Variants in LINGO2 observed in about 807,000 individuals in gnomAD.
LINGO2 encodes the protein leucine-rich repeat and immunoglobulin-like domain-containing nogo receptor-interacting protein 2.
In LINGO2, 14 loss-of-function variants were observed where a neutral mutation model predicts 30.6. That is an observed-to-expected ratio of 0.46 (90% CI 0.30 to 0.72). The LOEUF is 0.72. Among genes scored for constraint, LINGO2 ranks in the 30% least tolerant of loss-of-function variants. The pLI is 0.07. For synonymous variants in LINGO2, 317 were observed against 288.5 expected, an observed-to-expected ratio of 1.10 and a Z score of -1.00; for missense variants, 729 against 751.7, an observed-to-expected ratio of 0.97 and a Z score of 0.35.
chr9:28,003,344 TAG>T (rs747882557), intron 5 of LINGO2, among the ~76,000 whole-genome samples: 4,276 of 103,540 alleles, frequency 0.041, 117 homozygotes, highest in African/African-American at 0.13. Context: ...TATAGATATA[TAG>T]ATAGATAGAT....
At chr9:29,030,923 G>A in the LINGO2 span, among the ~76,000 whole-genome samples, 11 of 152,092 alleles carry the variant, frequency 7.2e-5, no homozygotes, top group African/African-American at 2.2e-4. Context: ...TAAAATTGCT[G>A]GTCCCTCACT....
intron 5 of LINGO2, among the ~76,000 whole-genome samples, chr9:27,982,983 A>T (rs1006517311): frequency 3.3e-5 from 5 of 151,758 alleles, no homozygotes; most frequent in Admixed American, 2.6e-4. Flanking sequence ...TGTCTTTCCT[A>T]CTTATACTTC....
chr9:28,790,383 C>T, the LINGO2 span, among the ~76,000 whole-genome samples: 2 of 137,462 alleles, frequency 1.5e-5, no homozygotes, highest in African/African-American at 2.8e-5. Flanking sequence ...GGCTGGAGTG[C>T]AGTCGTGCGA....
chr9:28,024,776 T>C (rs1284261311), intron 4 of LINGO2, among the ~76,000 whole-genome samples: 2 of 152,184 alleles, frequency 1.3e-5, no homozygotes, highest in East Asian at 3.9e-4. Context: ...ACTTGAGTTC[T>C]GAAGAGTAGG....
chr9:28,365,878 A>G (rs534946082), intron 3 of LINGO2, among the ~76,000 whole-genome samples: 11 of 151,612 alleles, frequency 7.3e-5, no homozygotes, highest in African/African-American at 2.4e-4. Context: ...TGGGCAGAGC[A>G]TATGTACAAG....
At chr9:28,287,485 G>A (rs1308688844) in intron 4 of LINGO2, among the ~76,000 whole-genome samples, 1 of 152,146 alleles carries the variant, frequency 6.6e-6, no homozygotes, top group Admixed American at 6.5e-5. Flanking sequence ...GCACTGTAAT[G>A]GAAAGGACAT....
intron 2 of LINGO2, among the ~76,000 whole-genome samples, chr9:28,387,559 G>A (rs1486439299): frequency 1.3e-5 from 2 of 152,102 alleles, no homozygotes; most frequent in African/African-American, 2.4e-5. Flanking sequence ...TCACTCTTTG[G>A]GTCCACACAG....
At chr9:29,000,450 T>C in the LINGO2 span, among the ~76,000 whole-genome samples, 2 of 151,906 alleles carry the variant, frequency 1.3e-5, no homozygotes, top group Non-Finnish European at 2.9e-5. Flanking sequence ...ATTTAAAATA[T>C]CTTTTTGAAA....
At chr9:28,724,524 G>A in the LINGO2 span, among the ~76,000 whole-genome samples, 1 of 152,066 alleles carries the variant, frequency 6.6e-6, no homozygotes, top group East Asian at 1.9e-4. Flanking sequence ...CATTCCCTTG[G>A]GGTAAACCAA....
At chr9:28,463,446 TC>T (rs1825166022) in intron 2 of LINGO2, among the ~76,000 whole-genome samples, 1 of 152,046 alleles carries the variant, frequency 6.6e-6, no homozygotes, top group Non-Finnish European at 1.5e-5. Context: ...TCACCTGTCT[TC>T]CAATTTTGCC....
the LINGO2 span, among the ~76,000 whole-genome samples, chr9:28,846,038 CA>C: frequency 1.3e-5 from 2 of 151,250 alleles, no homozygotes; most frequent in Non-Finnish European, 2.9e-5. Flanking sequence ...ACACACACAC[CA>C]ACCATCAGAA....
At chr9:28,117,965 T>C (rs1336153631) in intron 4 of LINGO2, among the ~76,000 whole-genome samples, 1 of 152,116 alleles carries the variant, frequency 6.6e-6, no homozygotes, top group East Asian at 1.9e-4. Flanking sequence ...GAGATAGGAA[T>C]GTAAATTAAT....
exon 4 of LINGO2, chr9:28,295,256 G>A (rs1012904130): frequency 7.2e-5 from 11 of 152,554 alleles, no homozygotes; most frequent in African/African-American, 2.7e-4. Flanking sequence ...CCCACACAAA[G>A]CTCTTGGCCA....
At chr9:28,360,868 T>C (rs1489846422) in intron 3 of LINGO2, among the ~76,000 whole-genome samples, 2 of 152,060 alleles carry the variant, frequency 1.3e-5, no homozygotes, top group African/African-American at 2.4e-5. Context: ...ACTCAGAATA[T>C]ATAGGAGTAA....
At chr9:28,484,849 A>G (rs1826108740) in intron 1 of LINGO2, among the ~76,000 whole-genome samples, 1 of 152,130 alleles carries the variant, frequency 6.6e-6, no homozygotes. Context: ...GACATCATCT[A>G]CAGGGTGTTG....
chr9:28,146,240 C>T (rs1470802434), intron 4 of LINGO2, among the ~76,000 whole-genome samples: 2 of 152,160 alleles, frequency 1.3e-5, no homozygotes, highest in Non-Finnish European at 2.9e-5. Context: ...CTTGAATAGT[C>T]AACTGAGTTT....
chr9:28,045,444 T>C (rs1824377282), intron 4 of LINGO2, among the ~76,000 whole-genome samples: 2 of 152,148 alleles, frequency 1.3e-5, no homozygotes, highest in South Asian at 4.1e-4. Context: ...TCTCTTTGCA[T>C]ATCTGAATGT....
chr9:28,561,749 G>GTGTGTATATC (rs772157537), intron 1 of LINGO2, among the ~76,000 whole-genome samples: 1 of 48,754 alleles, frequency 2.1e-5, no homozygotes, highest in Non-Finnish European at 3.6e-5. Flanking sequence ...GTGTGTGTGT[G>GTGTGTATATC]TATATATATA....
chr9:28,012,643 C>T (rs1020639070), intron 4 of LINGO2, among the ~76,000 whole-genome samples: 20 of 152,080 alleles, frequency 1.3e-4, no homozygotes, highest in African/African-American at 4.1e-4. Flanking sequence ...CCCTCCATAC[C>T]GCCTGGCCAA....
Sources: allele counts gnomAD v4.1 joint callset (sites outside exome capture counted in the v4.1 genomes callset), GRCh38; gene constraint gnomAD v4.1.1; transcripts MANE v1.5; gene names NCBI Gene and HGNC (gene_info 2026-07-23, HGNC 2026-07-21).